The following CUL9 variants were observed in gnomAD, a reference collection of about 807,000 sequenced individuals.
CUL9 encodes cullin-9.
CUL9 carries 79 observed loss-of-function variants against 272.6 expected under a neutral mutation model. The ratio of observed to expected loss-of-function variants is 0.29; its 90% confidence interval spans 0.24 to 0.35. The LOEUF (loss-of-function observed/expected upper bound fraction) is 0.35. Among genes scored for constraint, CUL9 ranks in the 10% least tolerant of loss-of-function variants. The pLI is 1.00. For missense variants in CUL9, 2,532 were observed against 3,255.6 expected (o/e 0.78, Z 5.41); for synonymous variants, 1,186 against 1,286.5 (o/e 0.92, Z 1.67).
At position 43,206,480 on chromosome 6, in the gene CUL9, C is replaced by A; in HGVS notation, c.5182C>A (p.Leu1728Ile). 1.2e-6 allele frequency: 2 copies of A among 1,614,194 alleles called. No individual in the cohort carries two copies. The highest frequency in any genetic ancestry group is 1.7e-6 in the Non-Finnish European group (2 of 1,180,032). Residue 1728 changes from leucine to isoleucine, a missense_variant, in exon 26 of 41, where the codon CTT becomes ATT. Leu to Ile is a conservative substitution (Grantham distance 5). Around this residue, in one of 3 missense-constraint regions of CUL9, gnomAD observed 2,218 missense variants for 2,788.6 expected, o/e 0.80. Coordinates refer to ENST00000252050, the MANE Select transcript of CUL9 (RefSeq NM_015089.4). This position sits in a 1 kb window ranked among gnomAD's most constrained non-coding sequence, Gnocchi z 4.8. ...KCLPTEFCDA[L>I]DRFSSFYSQS... ...CCTTCCCACAGAATTCTGTGATGCC[C>A]TTGACCGTTTCTCCAGTTTCTACAG...
chr6:43,203,053 T>G lies in CUL9; in HGVS notation c.3754-56T>G, dbSNP rs1187745358. 3 of 1,587,656 alleles carry G rather than the reference T, an allele frequency of 1.9e-6. No homozygotes were observed. In the East Asian group the frequency reaches 6.7e-5, roughly 35 times the overall value. On this transcript the variant is annotated intron_variant, in intron 17 of 40. Transcript: ENST00000252050. The surrounding 1 kb of genome is among the most constrained non-coding windows in gnomAD (Gnocchi z 5.0). ...CGACTTGGTTACTGTCAACAATTTTTCCAACCTTGTTTCTGGAGGTGACAG... is the reference window on the plus strand; with the variant it reads ...CGACTTGGTTACTGTCAACAATTTTGCCAACCTTGTTTCTGGAGGTGACAG...
In CUL9 at chr6:43,223,455, T is replaced by C; in HGVS notation, c.7284+58T>C. 6.5e-7 allele frequency: 1 copy of C among 1,530,508 alleles called. No homozygotes were observed. The highest frequency in any genetic ancestry group is 2.4e-5 in the East Asian group (1 of 42,030). 94.8% of individuals were successfully genotyped at this position (1,530,508 alleles called of 1,614,324 possible). On this transcript the variant is annotated intron_variant, in intron 39 of 40. Transcript: ENST00000252050. The surrounding 1 kb of genome is among the most constrained non-coding windows in gnomAD (Gnocchi z 4.1). ...CATTCTGCGGGAGTTGAGGTCCTCC[T>C]GTCCCAGCACAGCCCCTGCCCTGGG...
rs774274490 is a variant in CUL9, at chr6:43,213,732, G to A, written c.5508G>A (p.Glu1836=). Residue 1836 remains glutamate, a synonymous_variant, in exon 29 of 41, where the codon GAG becomes GAA. Transcript: ENST00000252050. This position sits in a 1 kb window ranked among gnomAD's most constrained non-coding sequence, Gnocchi z 5.7. ...FPHGGVLRLH[E]PGPQRSGEAL... ...TTCCAGGTGTGCTGCGGCTTCATGA[G>A]CCTGGGCCCCAGCGCAGTGGGGAGG... 1 of 1,613,512 alleles carries A rather than the reference G, an allele frequency of 6.2e-7. No homozygotes were observed. The highest frequency in any genetic ancestry group is 1.1e-5 in the South Asian group (1 of 91,052).
intron 4 of CUL9, 62 bp from the exon 5 acceptor site, chr6:43,186,898 G>C: frequency 6.3e-7 from 1 of 1,583,632 alleles, no homozygotes; most frequent in Non-Finnish European, 8.6e-7. Context: ...AGCCTTCACA[G>C]GCCAAGGCTC....
At chr6:43,205,639 G>A (rs896523639) in intron 24 of CUL9, among the ~76,000 whole-genome samples, 4 of 152,088 alleles carry the variant, frequency 2.6e-5, no homozygotes, top group Non-Finnish European at 4.4e-5. Context: ...TGACCAACAT[G>A]GTGAAACCCT....
chr6:43,196,516 A>G, intron 10 of CUL9, 129 bp from the exon 11 acceptor site: 2 of 915,640 alleles, frequency 2.2e-6, no homozygotes, highest in Non-Finnish European at 3.6e-6. Flanking sequence ...TCAGGGGATC[A>G]GATGTCCTGG....
Position 43,200,819 on chromosome 6 carries a change from G to A in CUL9, c.3632G>A (p.Arg1211His), listed in dbSNP as rs1055745965. The change falls in exon 16 of 41, where the codon CGT (arginine) becomes CAT (histidine). Residue 1211 changes from arginine (R) to histidine (H), a missense_variant. Physicochemically the swap from Arg to His is conservative, Grantham distance 29. Around this residue, in one of 3 missense-constraint regions of CUL9, gnomAD observed 2,218 missense variants for 2,788.6 expected, o/e 0.80. Coordinates refer to ENST00000252050, the MANE Select transcript of CUL9 (RefSeq NM_015089.4). The surrounding 1 kb of genome is among the most constrained non-coding windows in gnomAD (Gnocchi z 4.0). ...GSHYITLHMH[R>H]GVLVRQLTLL... Reference sequence around the variant, plus strand: ...CACTACATCACCCTGCACATGCACCGTGGTGTTCTTGTTAGGTGTGAACAC... The same window carrying A: ...CACTACATCACCCTGCACATGCACCATGGTGTTCTTGTTAGGTGTGAACAC... The A allele has an allele frequency of 1.4e-5, 23 of 1,614,066 alleles. No homozygotes were observed. Among genetic ancestry groups the A allele is most frequent in the African/African-American group, 5.3e-5 (4 of 74,928 alleles).
intron 9 of CUL9, 58 bp downstream of exon 9, chr6:43,193,266 T>C: frequency 6.6e-7 from 1 of 1,522,072 alleles, no homozygotes; most frequent in Non-Finnish European, 9.1e-7. Flanking sequence ...GACTGGGGAC[T>C]ACTGATCTTG....
chr6:43,223,673 G>T lies in CUL9; in HGVS notation c.7284+276G>T. Reference sequence around the variant, plus strand: ...CAGGTGCCTATCAGAATCACTTGGGGAACTTTTCCAGACTGTACTTCCCAG... The same window carrying T: ...CAGGTGCCTATCAGAATCACTTGGGTAACTTTTCCAGACTGTACTTCCCAG... On this transcript the variant is annotated intron_variant, in intron 39 of 40. Transcript: ENST00000252050. The surrounding 1 kb of genome is among the most constrained non-coding windows in gnomAD (Gnocchi z 4.1). The T allele has an allele frequency of 3.7e-6, 2 of 540,384 alleles. No individual in the cohort carries two copies. Among genetic ancestry groups the T allele is most frequent in the Non-Finnish European group, 6.6e-6 (2 of 302,566 alleles). The allele number at this position is 540,384 out of a possible 1,614,324, so 33.5% of individuals were successfully genotyped here.
In CUL9 at chr6:43,203,004, G is replaced by T; in HGVS notation, c.3754-105G>T. 1.5e-6 allele frequency: 2 copies of T among 1,329,890 alleles called. No homozygotes were observed. Among genetic ancestry groups the T allele is most frequent in the Non-Finnish European group, 2.1e-6 (2 of 931,058 alleles). 82.4% of individuals were successfully genotyped at this position (1,329,890 alleles called of 1,614,324 possible). A position where few individuals can be genotyped will look rare whatever the true frequency, so the allele number is the denominator to read the frequency against. On this transcript the variant is annotated intron_variant, in intron 17 of 40. Transcript: ENST00000252050. The surrounding 1 kb of genome is among the most constrained non-coding windows in gnomAD (Gnocchi z 5.0). ...ACGTCCATCCCTAGGCTCTGCGGGAGAAGTGAAGGGCACACACCATGACCG... is the reference window on the plus strand; with the variant it reads ...ACGTCCATCCCTAGGCTCTGCGGGATAAGTGAAGGGCACACACCATGACCG...
Position 43,223,619 on chromosome 6 carries a change from T to C in CUL9, c.7284+222T>C. On this transcript the variant is annotated intron_variant, in intron 39 of 40. Coordinates refer to ENST00000252050, the MANE Select transcript of CUL9 (RefSeq NM_015089.4). The surrounding 1 kb of genome is among the most constrained non-coding windows in gnomAD (Gnocchi z 4.1). The stretch of plus-strand genomic sequence containing the variant: ...TGGGGATTCCTACAAAATAAAGGGG[T>C]TGGCTAGCCCACATCAAGGGTATTT... The C allele has an allele frequency of 1.6e-6, 1 of 607,550 alleles. No homozygotes were observed. The highest frequency in any genetic ancestry group is 2.3e-5 in the South Asian group (1 of 44,352). 37.6% of individuals were successfully genotyped at this position (607,550 alleles called of 1,614,324 possible).
Position 43,184,227 on chromosome 6 carries a change from T to G in CUL9, c.-9-75T>G. The stretch of plus-strand genomic sequence containing the variant: ...CCGATCACCACCCACCTTCTCTGTG[T>G]CTCAAGATTCCACCCCCTCCATGTA... On this transcript the variant is annotated intron_variant, in intron 1 of 40. Coordinates refer to ENST00000252050, the MANE Select transcript of CUL9 (RefSeq NM_015089.4). The surrounding 1 kb of genome is among the most constrained non-coding windows in gnomAD (Gnocchi z 4.8). 1 of 1,178,104 alleles carries G rather than the reference T, an allele frequency of 8.5e-7. No homozygotes were observed. The highest frequency in any genetic ancestry group is 1.1e-6 in the Non-Finnish European group (1 of 874,020). 73.0% of individuals were successfully genotyped at this position (1,178,104 alleles called of 1,614,324 possible).
Position 43,223,979 on chromosome 6 carries a change from G to A in CUL9, c.7285-116G>A. ...AGTGTTTCATGAAGTGCTGTGCTGG[G>A]AGGGGAGCAGTCCTAGCAGGAGCTT... On this transcript the variant is annotated intron_variant, in intron 39 of 40. Transcript: ENST00000252050. This position sits in a 1 kb window ranked among gnomAD's most constrained non-coding sequence, Gnocchi z 4.1. The A allele has an allele frequency of 1.1e-6, 1 of 941,038 alleles. No homozygotes were observed. The highest frequency in any genetic ancestry group is 1.7e-6 in the Non-Finnish European group (1 of 574,088). 58.3% of individuals were successfully genotyped at this position (941,038 alleles called of 1,614,324 possible).
rs112283286 is a variant in CUL9 at position 43,196,629 on chromosome 6, A to G, written c.2586-16A>G. On this transcript the variant is annotated splice_polypyrimidine_tract_variant and intron_variant, in intron 10 of 40. Coordinates refer to ENST00000252050, the MANE Select transcript of CUL9 (RefSeq NM_015089.4). Reference sequence around the variant, plus strand: ...ATGGTCTCTCAGTTTCTTCCTGGTCACCTCCCTCCTCCCAGGTGCTCTTCT... The same window carrying G: ...ATGGTCTCTCAGTTTCTTCCTGGTCGCCTCCCTCCTCCCAGGTGCTCTTCT... 4 of 1,604,400 alleles carry G rather than the reference A, an allele frequency of 2.5e-6. No individual in the cohort carries two copies. The highest frequency in any genetic ancestry group is 3.4e-6 in the Non-Finnish European group (4 of 1,171,816).
In CUL9 at chr6:43,220,141, A is replaced by G. The variant is rs113413009; in HGVS notation, c.6283-318A>G. Among the ~76,000 whole-genome samples, 36 of 152,302 alleles carry G rather than the reference A, an allele frequency of 2.4e-4. 1 individual carries two copies. Among genetic ancestry groups the G allele is most frequent in the Admixed American group, 4.6e-4 (7 of 15,296 alleles). On this transcript the variant is annotated intron_variant, in intron 31 of 40. Coordinates refer to ENST00000252050, the MANE Select transcript of CUL9 (RefSeq NM_015089.4). This position sits in a 1 kb window ranked among gnomAD's most constrained non-coding sequence, Gnocchi z 4.9. ...TCTCTCGGACCTTCCTGCTCTCTGCATATCTTTCTGAGAATTTGAATCGTT... is the reference window on the plus strand; with the variant it reads ...TCTCTCGGACCTTCCTGCTCTCTGCGTATCTTTCTGAGAATTTGAATCGTT...
At chr6:43,215,736 C>T (rs1024420091) in intron 30 of CUL9, among the ~76,000 whole-genome samples, 1 of 152,196 alleles carries the variant, frequency 6.6e-6, no homozygotes, top group Non-Finnish European at 1.5e-5. Flanking sequence ...TCTCAAACCT[C>T]AACATGGCGC....
intron 20 of CUL9, 128 bp downstream of exon 20, chr6:43,204,115 C>T: frequency 1.6e-6 from 2 of 1,264,238 alleles, no homozygotes; most frequent in Middle Eastern, 2.1e-4. Flanking sequence ...CTCAGTGTTC[C>T]TCTCTCCTTC....
chr6:43,213,981 G>A lies in CUL9; in HGVS notation c.5688+69G>A, dbSNP rs1775733536. 113 of 1,499,232 alleles carry A rather than the reference G, an allele frequency of 7.5e-5. No individual in the cohort carries two copies. The South Asian group carries it at 1.2e-3, about 16-fold the overall frequency. The allele number at this position is 1,499,232 out of a possible 1,614,324, so 92.9% of individuals were successfully genotyped here. A position where few individuals can be genotyped will look rare whatever the true frequency, so the allele number is the denominator to read the frequency against. On this transcript the variant is annotated intron_variant, in intron 29 of 40. Transcript: ENST00000252050. The surrounding 1 kb of genome is among the most constrained non-coding windows in gnomAD (Gnocchi z 5.7). ...ATGCTTGGGATTGGGGATGAACACA[G>A]TGAACTCTTTCAATATAAGACTTCT...
chr6:43,187,443 T>C lies in CUL9; in HGVS notation c.1581+4T>C. 6.2e-7 allele frequency: 1 copy of C among 1,613,690 alleles called. No individual in the cohort carries two copies. The highest frequency in any genetic ancestry group is 1.1e-5 in the South Asian group (1 of 91,070). On this transcript the variant is annotated splice_donor_region_variant and intron_variant, in intron 6 of 40. Transcript: ENST00000252050. ...TCTTTGGAAGAACCTGGATGAGGTA[T>C]TATAGGTCTGAGATACCTGGGGGTT...
Sources: gnomAD v4.1 joint callset for allele counts (sites outside exome capture counted in the v4.1 genomes callset) on GRCh38, gnomAD v4.1.1 for gene constraint, gnomAD v4.1.1 regional missense constraint, Gnocchi (gnomAD v3.1) non-coding constraint, MANE v1.5 for transcripts, NCBI Gene and HGNC (gene_info 2026-07-23, HGNC 2026-07-21) for gene names.